The following PTGER4 variants were observed in gnomAD, a reference collection of about 807,000 sequenced individuals.
PTGER4 encodes prostaglandin E2 receptor EP4 subtype.
PTGER4 carries 11 observed loss-of-function variants against 33.2 expected under a neutral mutation model. The ratio of observed to expected loss-of-function variants is 0.33; its 90% confidence interval spans 0.21 to 0.55. PTGER4 has a LOEUF of 0.55. PTGER4 is among the 20% of genes least tolerant of loss of function. PTGER4 has a pLI of 0.92. For missense variants in PTGER4, 481 were observed against 650.2 expected, an observed-to-expected ratio of 0.74 and a Z score of 2.83; for synonymous variants, 275 against 281.5, an observed-to-expected ratio of 0.98 and a Z score of 0.23.
At chr5:40,726,718 T>G in the PTGER4 span, among the ~76,000 whole-genome samples, 11 of 152,140 alleles carry the variant, frequency 7.2e-5, no homozygotes, top group African/African-American at 2.7e-4. Context: ...TGCAGTGTAT[T>G]TTCTTTCTTT....
chr5:40,734,498 A>G, the PTGER4 span, among the ~76,000 whole-genome samples: 1 of 152,236 alleles, frequency 6.6e-6, no homozygotes, highest in Non-Finnish European at 1.5e-5. Flanking sequence ...GAATAGTTCC[A>G]TGGACTACAA....
the PTGER4 span, among the ~76,000 whole-genome samples, chr5:40,707,965 G>T: frequency 2.0e-5 from 3 of 152,164 alleles, no homozygotes. Flanking sequence ...CAGAAATAAA[G>T]ATGTTCTTTG....
At chr5:40,723,382 A>G in the PTGER4 span, among the ~76,000 whole-genome samples, 2 of 152,244 alleles carry the variant, frequency 1.3e-5, no homozygotes, top group Admixed American at 6.5e-5. Context: ...CTATTGTCCT[A>G]TGACCCTGCC....
chr5:40,740,420 A>ATTC, the PTGER4 span, among the ~76,000 whole-genome samples: 1 of 152,086 alleles, frequency 6.6e-6, no homozygotes, highest in Non-Finnish European at 1.5e-5. Context: ...AATACAAAGA[A>ATTC]TTCTAAGTTG....
At chr5:40,726,195 T>A in the PTGER4 span, among the ~76,000 whole-genome samples, 1 of 146,242 alleles carries the variant, frequency 6.8e-6, no homozygotes, top group African/African-American at 2.6e-5. Flanking sequence ...ATAAAATGTA[T>A]ACCATATACA....
At chr5:40,738,473 AC>A in the PTGER4 span, among the ~76,000 whole-genome samples, 1 of 137,274 alleles carries the variant, frequency 7.3e-6, no homozygotes, top group African/African-American at 2.7e-5. Context: ...ACAATACAAT[AC>A]AATACAATAC....
the PTGER4 span, chr5:40,728,272 A>T: frequency 2.3e-4 from 229 of 999,314 alleles, no homozygotes; most frequent in Middle Eastern, 6.2e-4. Flanking sequence ...TGACATCAAG[A>T]CTCCATCTCA....
chr5:40,736,781 G>A, the PTGER4 span, among the ~76,000 whole-genome samples: 1 of 152,082 alleles, frequency 6.6e-6, no homozygotes, highest in Non-Finnish European at 1.5e-5. Context: ...CTATGAGGTA[G>A]AAATTGACAA....
At chr5:40,718,077 T>C in the PTGER4 span, among the ~76,000 whole-genome samples, 439 of 149,150 alleles carry the variant, frequency 2.9e-3, 4 homozygotes, top group African/African-American at 0.01. Flanking sequence ...AAAAAAAAGA[T>C]TGCACATAAT....
the PTGER4 span, chr5:40,716,080 T>A: frequency 7.5e-7 from 1 of 1,328,660 alleles, no homozygotes; most frequent in Non-Finnish European, 1.0e-6. Context: ...AGAGTAAATG[T>A]CTCTATGTCA....
chr5:40,725,846 C>T, the PTGER4 span, among the ~76,000 whole-genome samples: 4 of 144,986 alleles, frequency 2.8e-5, no homozygotes, highest in African/African-American at 5.2e-5. Context: ...AGTGCAGTGG[C>T]GCGATCTCAG....
chr5:40,713,458 T>C, the PTGER4 span, among the ~76,000 whole-genome samples: 148 of 152,316 alleles, frequency 9.7e-4, no homozygotes, highest in Non-Finnish European at 1.5e-3. Context: ...AAGATTGTCA[T>C]ACTGAAACCA....
At chr5:40,726,588 A>G in the PTGER4 span, among the ~76,000 whole-genome samples, 1 of 147,042 alleles carries the variant, frequency 6.8e-6, no homozygotes, top group African/African-American at 2.5e-5. Flanking sequence ...AGAATTTCAC[A>G]GTATTAATGA....
At chr5:40,685,448 A>T in intron 2 of PTGER4, 1 of 985,452 alleles carries the variant, frequency 1.0e-6, no homozygotes, top group Non-Finnish European at 1.2e-6. Context: ...AGTGTGAAGC[A>T]CATCTATACA....
At chr5:40,722,246 C>T in the PTGER4 span, among the ~76,000 whole-genome samples, 1 of 150,982 alleles carries the variant, frequency 6.6e-6, no homozygotes, top group Non-Finnish European at 1.5e-5. Flanking sequence ...GGCGTGATCT[C>T]GGCTCGCTGC....
chr5:40,696,216 A>G (rs1030951624), downstream of PTGER4, among the ~76,000 whole-genome samples: 4 of 152,244 alleles, frequency 2.6e-5, no homozygotes, highest in African/African-American at 9.6e-5. Context: ...ATCAAGGCAC[A>G]GTAATATTTA....
chr5:40,685,880 G>C (rs931383344), intron 2 of PTGER4, among the ~76,000 whole-genome samples: 3 of 151,686 alleles, frequency 2.0e-5, no homozygotes, highest in South Asian at 2.1e-4. Flanking sequence ...TTTTTTCTCA[G>C]CCCTGACGTG....
At chr5:40,709,330 CAA>C in the PTGER4 span, among the ~76,000 whole-genome samples, 815 of 152,296 alleles carry the variant, frequency 5.4e-3, 5 homozygotes, top group African/African-American at 0.018. Context: ...GCAACTTCAG[CAA>C]AGTCTCAGGA....
the PTGER4 span, among the ~76,000 whole-genome samples, chr5:40,711,383 C>A: frequency 6.6e-6 from 1 of 152,050 alleles, no homozygotes; most frequent in Non-Finnish European, 1.5e-5. Context: ...CTGACAATAT[C>A]AATCATTGAC....
Sources: allele counts gnomAD v4.1 joint callset (sites outside exome capture counted in the v4.1 genomes callset), GRCh38; gene constraint gnomAD v4.1.1; transcripts MANE v1.5; gene names NCBI Gene and HGNC (gene_info 2026-07-23, HGNC 2026-07-21).